ASIC2: variants seen among roughly 807,000 people sequenced by gnomAD.
The protein encoded by ASIC2 is acid sensing ion channel subunit 2.
ASIC2 carries 25 observed loss-of-function variants against 57.3 expected under a neutral mutation model. That is an observed-to-expected ratio of 0.44 (90% CI 0.32 to 0.61). ASIC2 has a LOEUF of 0.61. Among genes scored for constraint, ASIC2 ranks in the 20% least tolerant of loss-of-function variants. ASIC2 has a pLI of 0.06. For synonymous variants in ASIC2, 319 were observed against 307.5 expected (o/e 1.04, Z -0.39); for missense variants, 641 against 738.1 (o/e 0.87, Z 1.52).
chr17:34,077,030 T>C (rs144445699), intron 1 of ASIC2, among the ~76,000 whole-genome samples: 1 of 152,304 alleles, frequency 6.6e-6, no homozygotes, highest in African/African-American at 2.4e-5. Context: ...TTGCAGGTGA[T>C]AACTAAGGAG....
chr17:33,368,821 G>T (rs765161801), intron 1 of ASIC2, among the ~76,000 whole-genome samples: 1 of 152,014 alleles, frequency 6.6e-6, no homozygotes, highest in African/African-American at 2.4e-5. Flanking sequence ...CCTTTCACCC[G>T]TCTTAGCTCA....
intron 1 of ASIC2, among the ~76,000 whole-genome samples, chr17:33,662,708 G>T (rs1236823355): frequency 1.3e-5 from 2 of 148,460 alleles, no homozygotes; most frequent in African/African-American, 5.0e-5. Context: ...CTCACTTTTA[G>T]TACTGTTTCC....
intron 1 of ASIC2, among the ~76,000 whole-genome samples, chr17:33,683,810 C>T (rs987953699): frequency 4.1e-4 from 63 of 152,150 alleles, no homozygotes; most frequent in African/African-American, 1.5e-3. Context: ...TACCACTGTG[C>T]CCCGTCTCCC....
intron 1 of ASIC2, among the ~76,000 whole-genome samples, chr17:33,335,543 C>A (rs927247538): frequency 2.1e-5 from 3 of 145,380 alleles, no homozygotes; most frequent in Non-Finnish European, 4.5e-5. Flanking sequence ...CATATTCTAC[C>A]ACTCCAGGCT....
intron 1 of ASIC2, among the ~76,000 whole-genome samples, chr17:33,528,406 C>G (rs1348956796): frequency 6.6e-6 from 1 of 152,112 alleles, no homozygotes; most frequent in African/African-American, 2.4e-5. Context: ...TGCCCCACCA[C>G]AAACCTTTAA....
chr17:33,211,222 AG>A (rs1907255607), intron 1 of ASIC2, among the ~76,000 whole-genome samples: 1 of 152,120 alleles, frequency 6.6e-6, no homozygotes, highest in Admixed American at 6.5e-5. Flanking sequence ...TAGTTAGTAG[AG>A]GGATGAGGCT....
chr17:34,003,482 CAA>C (rs1295476638), intron 1 of ASIC2: 1 of 152,012 alleles, frequency 6.6e-6, no homozygotes, highest in Non-Finnish European at 1.5e-5. Context: ...TTTCATTTTC[CAA>C]ATTTCTCAAA....
At chr17:33,316,623 T>C (rs1256468204) in intron 1 of ASIC2, among the ~76,000 whole-genome samples, 1 of 152,216 alleles carries the variant, frequency 6.6e-6, no homozygotes, top group Non-Finnish European at 1.5e-5. Context: ...TCTTCCATCC[T>C]ACTCAGTCTG....
chr17:33,428,042 C>A (rs1313373807), intron 1 of ASIC2, among the ~76,000 whole-genome samples: 1 of 152,176 alleles, frequency 6.6e-6, no homozygotes, highest in Non-Finnish European at 1.5e-5. Context: ...TATGAAAGAA[C>A]CTTGTGGAAA....
chr17:33,908,179 C>T (rs566716732), intron 1 of ASIC2, among the ~76,000 whole-genome samples: 13 of 152,304 alleles, frequency 8.5e-5, no homozygotes, highest in South Asian at 2.1e-4. Context: ...CTTAGAGACA[C>T]GGACCCCATG....
At chr17:33,273,875 G>A (rs913160939) in intron 1 of ASIC2, among the ~76,000 whole-genome samples, 1 of 152,114 alleles carries the variant, frequency 6.6e-6, no homozygotes, top group Non-Finnish European at 1.5e-5. Context: ...GACTGGGGGA[G>A]GGGGAGGAAG....
chr17:33,180,506 G>A (rs1905937929), intron 1 of ASIC2, among the ~76,000 whole-genome samples: 1 of 152,092 alleles, frequency 6.6e-6, no homozygotes, highest in African/African-American at 2.4e-5. Flanking sequence ...TTGCTGGTGA[G>A]GTGGGTGGAG....
intron 1 of ASIC2, among the ~76,000 whole-genome samples, chr17:34,145,654 C>T (rs1277134783): frequency 2.0e-5 from 3 of 152,222 alleles, no homozygotes; most frequent in Admixed American, 6.6e-5. Flanking sequence ...AGTCACATTC[C>T]TCTTCTCTAT....
intron 1 of ASIC2, among the ~76,000 whole-genome samples, chr17:34,082,977 C>G (rs1203819511): frequency 6.6e-6 from 1 of 151,998 alleles, no homozygotes. Flanking sequence ...TCCATACTCA[C>G]AGCATGCATT....
At chr17:33,552,290 A>C (rs1183094293) in intron 1 of ASIC2, among the ~76,000 whole-genome samples, 1 of 152,166 alleles carries the variant, frequency 6.6e-6, no homozygotes, top group African/African-American at 2.4e-5. Context: ...TGCCAGGCTG[A>C]GTGGGGCTGG....
At chr17:33,885,090 A>C (rs1597916288) in intron 1 of ASIC2, among the ~76,000 whole-genome samples, 2 of 152,134 alleles carry the variant, frequency 1.3e-5, no homozygotes, top group African/African-American at 4.8e-5. Context: ...CTGCGCACAC[A>C]GTAGAGTTTC....
At chr17:33,887,847 A>G (rs1914864927) in intron 1 of ASIC2, among the ~76,000 whole-genome samples, 1 of 152,160 alleles carries the variant, frequency 6.6e-6, no homozygotes, top group Non-Finnish European at 1.5e-5. Flanking sequence ...GCAAATATAT[A>G]CACAGACAGT....
At chr17:33,351,025 T>G (rs1908151744) in intron 1 of ASIC2, among the ~76,000 whole-genome samples, 1 of 152,192 alleles carries the variant, frequency 6.6e-6, no homozygotes, top group African/African-American at 2.4e-5. Flanking sequence ...ATCAGCTAAT[T>G]CTTTTTCTCC....
chr17:33,684,742 A>T (rs1297643266), intron 1 of ASIC2, among the ~76,000 whole-genome samples: 1 of 151,950 alleles, frequency 6.6e-6, no homozygotes, highest in Non-Finnish European at 1.5e-5. Flanking sequence ...AAAGGAAAAA[A>T]TTTTTTTAAT....
Sources: gnomAD v4.1 joint callset for allele counts (sites outside exome capture counted in the v4.1 genomes callset) on GRCh38, gnomAD v4.1.1 for gene constraint, MANE v1.5 for transcripts, NCBI Gene and HGNC (gene_info 2026-07-23, HGNC 2026-07-21) for gene names.